RNASEH2B: variants seen among roughly 807,000 people sequenced by gnomAD.
RNASEH2B encodes ribonuclease H2 subunit B.
A neutral mutation model predicts 45.0 loss-of-function variants in RNASEH2B; 36 were observed. The observed-to-expected ratio is 0.80, with a 90% CI of 0.61 to 1.06. The LOEUF (loss-of-function observed/expected upper bound fraction) is 1.06. RNASEH2B is among the 50% of genes least tolerant of loss of function. The pLI, the probability that RNASEH2B is intolerant of heterozygous loss-of-function variation, is 0.00. For synonymous variants in RNASEH2B, 119 were observed against 125.7 expected (o/e 0.95, Z 0.35); for missense variants, 361 against 360.3 (o/e 1.00, Z -0.02).
intron 1 of RNASEH2B, among the ~76,000 whole-genome samples, chr13:50,914,869 G>A (rs1879647536): frequency 6.6e-6 from 1 of 152,164 alleles, no homozygotes; most frequent in South Asian, 2.1e-4. Flanking sequence ...GGGACTGCAT[G>A]GATTCTCCCA....
chr13:50,927,673 C>A (rs950619042), intron 2 of RNASEH2B, among the ~76,000 whole-genome samples, 195 bp downstream of exon 2: 2 of 152,058 alleles, frequency 1.3e-5, no homozygotes, highest in Admixed American at 6.5e-5. Flanking sequence ...TTAAAAATTT[C>A]TTCTCATAAT....
chr13:50,968,809 G>C (rs1952190685), intron 9 of RNASEH2B, among the ~76,000 whole-genome samples: 1 of 152,116 alleles, frequency 6.6e-6, no homozygotes, highest in Non-Finnish European at 1.5e-5. Context: ...AGCATTTACT[G>C]TACTTTCATT....
intron 1 of RNASEH2B, among the ~76,000 whole-genome samples, chr13:50,916,659 A>G (rs1160927096): frequency 3.9e-5 from 6 of 152,200 alleles, no homozygotes; most frequent in South Asian, 2.1e-4. Context: ...AGCAGGTTAC[A>G]TTTTTGAGGA....
chr13:50,910,220 C>A, intron 1 of RNASEH2B, 80 bp downstream of exon 1: 1 of 1,043,358 alleles, frequency 9.6e-7, no homozygotes, highest in Non-Finnish European at 1.3e-6. Flanking sequence ...CCGCCCCCCA[C>A]CCCGGTGGCT....
intron 10 of RNASEH2B, chr13:50,954,541 T>C (rs1566090913): frequency 6.4e-6 from 1 of 155,112 alleles, no homozygotes; most frequent in East Asian, 1.9e-4. Context: ...TTTTATGATA[T>C]TCAGTCATGG....
intron 5 of RNASEH2B, among the ~76,000 whole-genome samples, chr13:50,939,716 T>C (rs1477462108): frequency 6.6e-6 from 1 of 152,138 alleles, no homozygotes; most frequent in Non-Finnish European, 1.5e-5. Flanking sequence ...TGGAAGAATT[T>C]GGTATACATA....
chr13:50,932,340 C>G (rs1203162239), intron 4 of RNASEH2B, among the ~76,000 whole-genome samples: 6 of 152,226 alleles, frequency 3.9e-5, no homozygotes, highest in Non-Finnish European at 7.3e-5. Flanking sequence ...AGCCATACCT[C>G]ACTTTCATCA....
intron 2 of RNASEH2B, chr13:50,928,579 A>G (rs1017102852): frequency 6.6e-6 from 1 of 152,230 alleles, no homozygotes; most frequent in African/African-American, 2.4e-5. Context: ...CAGAGGAACA[A>G]ATGTTTTTAT....
intron 5 of RNASEH2B, chr13:50,941,980 A>G (rs1397713213): frequency 6.6e-6 from 1 of 152,276 alleles, no homozygotes; most frequent in Admixed American, 6.5e-5. Context: ...GGGACCTCCC[A>G]ACCTCTCTCC....
At chr13:50,957,918 CTGTT>C (rs1952071783), downstream of RNASEH2B, among the ~76,000 whole-genome samples, 1 of 152,078 alleles carries the variant, frequency 6.6e-6, no homozygotes, top group South Asian at 2.1e-4. Flanking sequence ...TGAGAAGTGT[CTGTT>C]TATGTCTTTT....
intron 1 of RNASEH2B, among the ~76,000 whole-genome samples, chr13:50,913,451 A>C (rs980233178): frequency 6.6e-6 from 1 of 152,118 alleles, no homozygotes; most frequent in Non-Finnish European, 1.5e-5. Context: ...TTCATCTCCA[A>C]GGAAATGTTA....
chr13:50,930,953 A>C, intron 4 of RNASEH2B, 194 bp downstream of exon 4: 1 of 598,186 alleles, frequency 1.7e-6, no homozygotes, highest in East Asian at 2.9e-5. Context: ...GCAGCACCTT[A>C]CTCTTGATCC....
chr13:50,937,768 A>G (rs1183132716), intron 5 of RNASEH2B: 1 of 152,248 alleles, frequency 6.6e-6, no homozygotes, highest in Non-Finnish European at 1.5e-5. Context: ...CATGATATAT[A>G]TTATCAGCAA....
intron 9 of RNASEH2B, among the ~76,000 whole-genome samples, chr13:50,963,406 C>T (rs556647039): frequency 8.5e-5 from 13 of 152,138 alleles, no homozygotes; most frequent in South Asian, 4.1e-4. Context: ...TCAGGTGATC[C>T]GCCCACCTCA....
intron 9 of RNASEH2B, among the ~76,000 whole-genome samples, chr13:50,964,576 A>G (rs757914367): frequency 3.9e-5 from 6 of 152,228 alleles, no homozygotes; most frequent in Non-Finnish European, 2.9e-5. Flanking sequence ...TCTTCACAAT[A>G]GGAACTCTGT....
At chr13:50,937,534 G>T (rs1173510169) in intron 5 of RNASEH2B, 1 of 152,052 alleles carries the variant, frequency 6.6e-6, no homozygotes, top group Non-Finnish European at 1.5e-5. Flanking sequence ...TTCTCAAAAA[G>T]ATTTTTAAAT....
chr13:50,965,483 G>C (rs1453884206), intron 9 of RNASEH2B, among the ~76,000 whole-genome samples: 5 of 152,192 alleles, frequency 3.3e-5, no homozygotes, highest in Admixed American at 1.3e-4. Flanking sequence ...ACCTTCAACA[G>C]ATGTTTGTTG....
intron 5 of RNASEH2B, 146 bp from the exon 6 acceptor site, chr13:50,943,175 C>G (rs1375998106): frequency 1.6e-6 from 1 of 606,482 alleles, no homozygotes; most frequent in Non-Finnish European, 2.9e-6. Flanking sequence ...AAAAACATTT[C>G]AAGTATGTTC....
intron 3 of RNASEH2B, among the ~76,000 whole-genome samples, chr13:50,930,320 G>C (rs1951661191): frequency 6.6e-6 from 1 of 152,172 alleles, no homozygotes; most frequent in East Asian, 1.9e-4. Flanking sequence ...GACGATACAG[G>C]TTCCCTAACA....
Sources: allele counts gnomAD v4.1 joint callset (sites outside exome capture counted in the v4.1 genomes callset), GRCh38; gene constraint gnomAD v4.1.1; transcripts MANE v1.5; gene names NCBI Gene and HGNC (gene_info 2026-07-23, HGNC 2026-07-21).